Variants in ACOX3 observed in about 807,000 individuals in gnomAD.
ACOX3 encodes the protein acyl-CoA oxidase 3, pristanoyl.
In ACOX3, 73 loss-of-function variants were observed where a neutral mutation model predicts 81.5. The ratio of observed to expected loss-of-function variants is 0.90; its 90% CI spans 0.74 to 1.09. The LOEUF is 1.09. Ranked by LOEUF, ACOX3 falls within the 50% of genes least tolerant of loss-of-function variation. The probability of loss-of-function intolerance (pLI) is 0.00; values close to 1 mark genes in which losing one functional copy is unlikely to be tolerated. For synonymous variants in ACOX3, 387 were observed against 375.1 expected (o/e 1.03, Z -0.37); for missense variants, 947 against 928.0 (o/e 1.02, Z -0.27).
chr4:8,365,033 G>C (rs563431427), downstream of ACOX3, among the ~76,000 whole-genome samples: 33 of 152,228 alleles, frequency 2.2e-4, no homozygotes, highest in South Asian at 4.1e-3. Flanking sequence ...TAAAGGAGCC[G>C]TCCACACACA....
rs115146093 is a variant in ACOX3 at position 8,389,264 on chromosome 4, C to T, written c.1446G>A (p.Pro482=). Residue 482 remains proline, a synonymous_variant, in exon 13 of 18, where the codon CCG becomes CCA. Coordinates refer to ENST00000356406, the MANE Select transcript of ACOX3 (RefSeq NM_003501.3). The surrounding 1 kb of genome is among the most constrained non-coding windows in gnomAD (Gnocchi z 5.3). ...QVHDGACFRS[P]LKSVDFLDAY... ...CGTCCAGAAAGTCCACTGACTTCAG[C>T]GGACTGCGGAAGCAAGCTCCATCTA... is the stretch of plus-strand genomic sequence containing the variant. 298 of 1,613,162 alleles carry T rather than the reference C, an allele frequency of 1.8e-4. 1 individual carries two copies. In the African/African-American group the frequency reaches 3.3e-3, roughly 18 times the overall value.
Position 8,405,851 on chromosome 4 carries a change from G to A in ACOX3, c.776+104C>T. On this transcript the variant is annotated intron_variant, in intron 7 of 17. Transcript: ENST00000356406. The surrounding 1 kb of genome is among the most constrained non-coding windows in gnomAD (Gnocchi z 7.1). ...TCCCCACCGCATTTGAGTCTAAGAG[G>A]GCAGGGCATGGCATCCATGGGGCCA... The A allele has an allele frequency of 8.6e-7, 1 of 1,165,400 alleles. No homozygotes were observed. The allele number at this position is 1,165,400 out of a possible 1,614,324, so 72.2% of individuals were successfully genotyped here.
At chr4:8,355,321 G>C in the ACOX3 span, 1 of 152,196 alleles carries the variant, frequency 6.6e-6, no homozygotes, top group African/African-American at 2.4e-5. Flanking sequence ...GAAAAGATGA[G>C]AAACGAGGCT....
chr4:8,424,104 G>A (rs900760050), intron 1 of ACOX3, among the ~76,000 whole-genome samples: 6 of 152,230 alleles, frequency 3.9e-5, no homozygotes, highest in Non-Finnish European at 8.8e-5. Flanking sequence ...CCCTCAGTGA[G>A]GAATGCATCC....
intron 7 of ACOX3, among the ~76,000 whole-genome samples, chr4:8,404,220 C>T (rs1367346004): frequency 2.0e-5 from 3 of 152,230 alleles, no homozygotes; most frequent in East Asian, 3.9e-4. Flanking sequence ...ATACCTGCTA[C>T]ACGGGCACCG....
intron 1 of ACOX3, among the ~76,000 whole-genome samples, chr4:8,422,943 G>A (rs1051778763): frequency 6.6e-6 from 1 of 151,974 alleles, no homozygotes; most frequent in Non-Finnish European, 1.5e-5. Context: ...ACTGCCCCAG[G>A]GGATGAAGGT....
At chr4:8,380,259 G>A (rs186801362) in intron 14 of ACOX3, among the ~76,000 whole-genome samples, 12 of 146,342 alleles carry the variant, frequency 8.2e-5, no homozygotes, top group Admixed American at 4.9e-4. Context: ...GTGCGATCTC[G>A]GCTCTCTGCA....
chr4:8,367,806 CAAAAAAA>C (rs535574857), intron 17 of ACOX3, among the ~76,000 whole-genome samples: 1,170 of 46,592 alleles, frequency 0.025, 6 homozygotes, highest in African/African-American at 0.07. Flanking sequence ...CCCATCTTTA[CAAAAAAA>C]AAAAAAAAAA....
intron 1 of ACOX3, among the ~76,000 whole-genome samples, chr4:8,429,876 A>G (rs751334879): frequency 1.4e-4 from 21 of 152,084 alleles, no homozygotes; most frequent in Non-Finnish European, 2.5e-4. Context: ...CAGGAGTTTG[A>G]GTCTAGCCTG....
chr4:8,412,686 G>A (rs1490094789), intron 5 of ACOX3, among the ~76,000 whole-genome samples: 1 of 152,156 alleles, frequency 6.6e-6, no homozygotes, highest in African/African-American at 2.4e-5. Flanking sequence ...AGGCGGGTGA[G>A]GAAAGACTGG....
In ACOX3 at chr4:8,386,012, A is replaced by G. The variant is rs1000700195; in HGVS notation, c.1537+3161T>C. On this transcript the variant is annotated intron_variant, in intron 13 of 17. Transcript: ENST00000356406. This position sits in a 1 kb window ranked among gnomAD's most constrained non-coding sequence, Gnocchi z 5.2. ...TGTTGCATCTTGTAAATATTAGAGC[A>G]GTTGCAGAAAAGCAGATGACTTTGG... Among the ~76,000 whole-genome samples the G allele has an allele frequency of 6.6e-6, 1 of 152,252 alleles. No homozygotes were observed. The highest frequency in any genetic ancestry group is 2.4e-5 in the African/African-American group (1 of 41,466).
intron 7 of ACOX3, among the ~76,000 whole-genome samples, chr4:8,401,222 T>C (rs1720335125): frequency 6.6e-6 from 1 of 152,088 alleles, no homozygotes; most frequent in Admixed American, 6.5e-5. Context: ...GATGCTCACC[T>C]CCTGCTGGGT....
chr4:8,405,812 G>A lies in ACOX3; in HGVS notation c.776+143C>T, dbSNP rs1193144309. 4.8e-6 allele frequency: 4 copies of A among 830,648 alleles called. No homozygotes were observed. The East Asian group carries it at 9.7e-5, about 20-fold the overall frequency. 51.5% of individuals were successfully genotyped at this position (830,648 alleles called of 1,614,324 possible). On this transcript the variant is annotated intron_variant, in intron 7 of 17. Transcript: ENST00000356406. The surrounding 1 kb of genome is among the most constrained non-coding windows in gnomAD (Gnocchi z 7.1). ...CAGGACGTGGCCAGTGCATGCACGG[G>A]GGCTAGGCGTAGGTCCCCACCGCAT...
At chr4:8,418,602 C>T (rs910080469) in intron 1 of ACOX3, among the ~76,000 whole-genome samples, 1 of 152,164 alleles carries the variant, frequency 6.6e-6, no homozygotes, top group Non-Finnish European at 1.5e-5. Flanking sequence ...GGCACGCTCA[C>T]ACCTGTAATC....
chr4:8,412,772 C>A (rs565020093), intron 5 of ACOX3, among the ~76,000 whole-genome samples: 9 of 151,978 alleles, frequency 5.9e-5, no homozygotes, highest in Non-Finnish European at 1.2e-4. Flanking sequence ...GGCCAGGGAA[C>A]AGAACAGGGT....
chr4:8,375,309 G>C (rs1716804087), intron 14 of ACOX3, among the ~76,000 whole-genome samples, 157 bp from the exon 15 acceptor site: 1 of 152,252 alleles, frequency 6.6e-6, no homozygotes, highest in East Asian at 1.9e-4. Flanking sequence ...ATGCGGCGCA[G>C]CACGAGACAT....
At chr4:8,373,474 CG>C in intron 16 of ACOX3, 86 bp downstream of exon 16, 1 of 1,404,766 alleles carries the variant, frequency 7.1e-7, no homozygotes, top group Non-Finnish European at 9.9e-7. Flanking sequence ...CGGTGCGTGT[CG>C]GTCTGGGTGA....
rs1272276787 is a variant in ACOX3, at chr4:8,414,583, G to A, written c.454-202C>T. Among the ~76,000 whole-genome samples the A allele has an allele frequency of 6.6e-6, 1 of 152,202 alleles. No individual in the cohort carries two copies. The highest frequency in any genetic ancestry group is 1.5e-5 in the Non-Finnish European group (1 of 68,032). On this transcript the variant is annotated intron_variant, in intron 4 of 17. Coordinates refer to ENST00000356406, the MANE Select transcript of ACOX3 (RefSeq NM_003501.3). The surrounding 1 kb of genome is among the most constrained non-coding windows in gnomAD (Gnocchi z 6.1). ...AGCAGCCTAAACCAAGCTGACCGCAGCTGCTCCACGTCAGCAAGGTGGCAG... is the reference window on the plus strand; with the variant it reads ...AGCAGCCTAAACCAAGCTGACCGCAACTGCTCCACGTCAGCAAGGTGGCAG...
At position 8,398,086 on chromosome 4, in the gene ACOX3, G is replaced by A. The variant is rs565569437; in HGVS notation, c.874-967C>T. ...TGATGCAGGAGAATCACTTGAACCC[G>A]GGAGGCAGAGGAGAGGTTGCAGTGA... On this transcript the variant is annotated intron_variant, in intron 8 of 17. Transcript: ENST00000356406. Among the ~76,000 whole-genome samples the A allele has an allele frequency of 4.6e-5, 7 of 152,292 alleles. No homozygotes were observed. In the South Asian group the frequency reaches 1.2e-3, roughly 27 times the overall value.
Sources: allele counts gnomAD v4.1 joint callset (sites outside exome capture counted in the v4.1 genomes callset), GRCh38; gene constraint gnomAD v4.1.1; non-coding constraint Gnocchi (gnomAD v3.1); transcripts MANE v1.5; gene names NCBI Gene and HGNC (gene_info 2026-07-23, HGNC 2026-07-21).